Variants in PTPRG observed in about 807,000 individuals in gnomAD.
The protein encoded by PTPRG is receptor-type tyrosine-protein phosphatase gamma.
Under a neutral mutation model 165.3 loss-of-function variants are expected in PTPRG, and 102 were observed. The observed-to-expected ratio is 0.62, with a 90% CI of 0.53 to 0.73. The LOEUF (loss-of-function observed/expected upper bound fraction) is 0.73, where lower values mean the gene tolerates loss of function less well. Ranked by LOEUF, PTPRG falls within the 30% of genes least tolerant of loss-of-function variation. PTPRG has a pLI of 0.00. For synonymous variants in PTPRG, 675 were observed against 669.5 expected, an observed-to-expected ratio of 1.01 and a Z score of -0.13; for missense variants, 1,866 against 1,861.4, an observed-to-expected ratio of 1.00 and a Z score of -0.05.
intron 2 of PTPRG, among the ~76,000 whole-genome samples, chr3:61,807,681 A>T (rs2035456073): frequency 6.6e-6 from 1 of 152,230 alleles, no homozygotes; most frequent in Non-Finnish European, 1.5e-5. Context: ...CCATCTTGAT[A>T]ACAGAATCAT....
intron 1 of PTPRG, among the ~76,000 whole-genome samples, chr3:61,734,866 G>T (rs1010357532): frequency 1.3e-5 from 2 of 152,166 alleles, no homozygotes; most frequent in Admixed American, 6.5e-5. Flanking sequence ...TATTGAGAGG[G>T]GGGGAATAAT....
chr3:61,653,635 A>G (rs188319235), intron 1 of PTPRG, among the ~76,000 whole-genome samples: 1 of 152,066 alleles, frequency 6.6e-6, no homozygotes, highest in Non-Finnish European at 1.5e-5. Flanking sequence ...AAATCATTGC[A>G]TATGTCTTTG....
At chr3:61,784,215 T>G (rs1173475790) in intron 2 of PTPRG, among the ~76,000 whole-genome samples, 1 of 152,180 alleles carries the variant, frequency 6.6e-6, no homozygotes, top group Admixed American at 6.5e-5. Flanking sequence ...CACAGGAGCC[T>G]GCCATCCTAT....
intron 5 of PTPRG, among the ~76,000 whole-genome samples, chr3:62,093,782 C>T (rs1702021152): frequency 6.6e-6 from 1 of 152,190 alleles, no homozygotes; most frequent in African/African-American, 2.4e-5. Flanking sequence ...AAGGGCTGAG[C>T]TTGCTTTTCC....
chr3:62,201,628 A>T (rs1700097588), intron 11 of PTPRG, 74 bp downstream of exon 11: 1 of 1,443,376 alleles, frequency 6.9e-7, no homozygotes, highest in African/African-American at 1.4e-5. Context: ...GTCACCACGA[A>T]GTGGCAGTAT....
At chr3:61,990,322 G>A (rs1369874958) in intron 3 of PTPRG, among the ~76,000 whole-genome samples, 6 of 152,028 alleles carry the variant, frequency 3.9e-5, no homozygotes, top group Non-Finnish European at 8.8e-5. Context: ...TGCCAAATAT[G>A]CAAATGGAAA....
chr3:61,638,708 G>C (rs1030303903), intron 1 of PTPRG, among the ~76,000 whole-genome samples: 3 of 150,024 alleles, frequency 2.0e-5, no homozygotes, highest in Non-Finnish European at 4.4e-5. Context: ...AAAGTGCTGG[G>C]ATTACAGGCG....
At chr3:61,955,388 A>G (rs2040006450) in intron 2 of PTPRG, among the ~76,000 whole-genome samples, 1 of 152,216 alleles carries the variant, frequency 6.6e-6, no homozygotes, top group Non-Finnish European at 1.5e-5. Flanking sequence ...GACAATGGTA[A>G]TGTTTAAATA....
chr3:61,940,023 T>G (rs1472345531), intron 2 of PTPRG, among the ~76,000 whole-genome samples: 2 of 135,958 alleles, frequency 1.5e-5, no homozygotes, highest in African/African-American at 2.7e-5. Flanking sequence ...CTCAGCTCAC[T>G]GCAACCTCTG....
intron 2 of PTPRG, among the ~76,000 whole-genome samples, chr3:61,897,944 T>C (rs1282540757): frequency 6.6e-6 from 1 of 152,222 alleles, no homozygotes; most frequent in Non-Finnish European, 1.5e-5. Context: ...GGAGGTTTTT[T>C]TTCATGGATT....
chr3:61,960,231 G>A (rs756990534), intron 2 of PTPRG, among the ~76,000 whole-genome samples: 2 of 151,968 alleles, frequency 1.3e-5, no homozygotes, highest in African/African-American at 2.4e-5. Flanking sequence ...CTTGGATCTC[G>A]GTGCTTGGTA....
In PTPRG at chr3:62,246,275, C is replaced by T. The variant is rs1011658804; in HGVS notation, c.2467+2377C>T. On this transcript the variant is annotated intron_variant, in intron 15 of 29. Transcript: ENST00000474889. Reference sequence around the variant, plus strand: ...GGCAGTGTGATGTTAAAGGGCTTACCTAGTGAAATGACGAGTGAGGCTCAT... The same window carrying T: ...GGCAGTGTGATGTTAAAGGGCTTACTTAGTGAAATGACGAGTGAGGCTCAT... 7.2e-5 allele frequency among the ~76,000 whole-genome samples: 11 copies of T among 152,140 alleles called. 1 individual carries two copies. Among genetic ancestry groups the T allele is most frequent in the South Asian group, 4.1e-4 (2 of 4,820 alleles).
At chr3:61,803,253 G>A (rs983354752) in intron 2 of PTPRG, among the ~76,000 whole-genome samples, 2 of 152,106 alleles carry the variant, frequency 1.3e-5, no homozygotes, top group African/African-American at 4.8e-5. Context: ...ATTACATTTA[G>A]TTGTTTATTT....
At chr3:62,074,178 AGAGTGTGTGT>A (rs1348722501) in intron 4 of PTPRG, among the ~76,000 whole-genome samples, 33 of 65,010 alleles carry the variant, frequency 5.1e-4, no homozygotes, top group African/African-American at 1.5e-3. Context: ...AAAAAAAGTG[AGAGTGTGTGT>A]GTGTGTGTGT....
chr3:61,999,387 G>A (rs1349889694), intron 3 of PTPRG, among the ~76,000 whole-genome samples: 1 of 152,078 alleles, frequency 6.6e-6, no homozygotes, highest in Non-Finnish European at 1.5e-5. Context: ...CATTCACGAG[G>A]GTTCCACCCT....
At chr3:62,084,674 CGAG>C (rs1701687961) in intron 5 of PTPRG, among the ~76,000 whole-genome samples, 1 of 152,116 alleles carries the variant, frequency 6.6e-6, no homozygotes, top group African/African-American at 2.4e-5. Flanking sequence ...CCAGGGCTGG[CGAG>C]GAAGCCTTTC....
chr3:62,175,522 C>T (rs1705386649), intron 8 of PTPRG, among the ~76,000 whole-genome samples: 1 of 152,228 alleles, frequency 6.6e-6, no homozygotes, highest in Admixed American at 6.5e-5. Context: ...GTTTCCTATT[C>T]ATAGTTGTTT....
At chr3:61,848,580 T>C (rs1480277899) in intron 2 of PTPRG, among the ~76,000 whole-genome samples, 1 of 152,246 alleles carries the variant, frequency 6.6e-6, no homozygotes. Context: ...AAATGTATTT[T>C]ATCTTTTCAT....
chr3:62,250,161 T>C (rs1053757271), intron 15 of PTPRG, among the ~76,000 whole-genome samples: 1 of 152,218 alleles, frequency 6.6e-6, no homozygotes, highest in African/African-American at 2.4e-5. Context: ...CTCTTATAAG[T>C]ACTTGTGTTA....
Sources: allele counts gnomAD v4.1 joint callset (sites outside exome capture counted in the v4.1 genomes callset), GRCh38; gene constraint gnomAD v4.1.1; transcripts MANE v1.5; gene names NCBI Gene and HGNC (gene_info 2026-07-23, HGNC 2026-07-21).